Variants in GIGYF2 observed in about 807,000 individuals in gnomAD.
GIGYF2 encodes GRB10-interacting GYF protein 2.
Under a neutral mutation model 208.1 loss-of-function variants are expected in GIGYF2, and 25 were observed. The ratio of observed to expected loss-of-function variants is 0.12; its 90% confidence interval spans 0.09 to 0.17. The LOEUF is 0.17. Ranked by LOEUF, GIGYF2 falls within the 10% of genes least tolerant of loss-of-function variation. The pLI is 1.00. For synonymous variants in GIGYF2, 534 were observed against 543.8 expected (o/e 0.98, Z 0.25); for missense variants, 1,302 against 1,579.4 (o/e 0.82, Z 2.98).
chr2:232,735,368 C>T, intron 3 of GIGYF2, 130 bp downstream of exon 3: 1 of 709,900 alleles, frequency 1.4e-6, no homozygotes, highest in South Asian at 1.6e-5. Context: ...TCGCTGAAAA[C>T]AATGTGTTAG....
chr2:232,725,530 CTA>C (rs1255567731), intron 2 of GIGYF2, among the ~76,000 whole-genome samples: 1 of 152,168 alleles, frequency 6.6e-6, no homozygotes, highest in African/African-American at 2.4e-5. Context: ...GCCAAAGAAT[CTA>C]TGTCAAATTA....
chr2:232,854,978 TTCA>T (rs1398504199), intron 28 of GIGYF2, among the ~76,000 whole-genome samples: 1 of 152,160 alleles, frequency 6.6e-6, no homozygotes, highest in Non-Finnish European at 1.5e-5. Context: ...AGAGGCATTG[TTCA>T]TCATTTTTAT....
intron 2 of GIGYF2, among the ~76,000 whole-genome samples, chr2:232,707,222 C>T (rs534630799): frequency 7.9e-5 from 12 of 152,236 alleles, no homozygotes; most frequent in Middle Eastern, 3.4e-3. Context: ...GTATCTTCTT[C>T]GGGAACAAAG....
At chr2:232,773,151 G>A (rs1286989254) in intron 8 of GIGYF2, among the ~76,000 whole-genome samples, 1 of 152,086 alleles carries the variant, frequency 6.6e-6, no homozygotes, top group Non-Finnish European at 1.5e-5. Flanking sequence ...ACCCTAACAA[G>A]TTGTCATAAT....
intron 2 of GIGYF2, among the ~76,000 whole-genome samples, chr2:232,720,722 A>G (rs1258932481): frequency 2.0e-5 from 3 of 151,952 alleles, no homozygotes; most frequent in Non-Finnish European, 2.9e-5. Context: ...AGCCTCCTGA[A>G]TAGCTGGGAT....
At chr2:232,823,402 G>A (rs1249142584) in intron 21 of GIGYF2, among the ~76,000 whole-genome samples, 3 of 136,086 alleles carry the variant, frequency 2.2e-5, no homozygotes, top group Non-Finnish European at 4.6e-5. Flanking sequence ...GTCTCACACT[G>A]TCACCCAGGC....
At chr2:232,834,052 G>A (rs1015408780) in intron 22 of GIGYF2, among the ~76,000 whole-genome samples, 2 of 151,998 alleles carry the variant, frequency 1.3e-5, no homozygotes, top group Non-Finnish European at 2.9e-5. Flanking sequence ...AAGCTGGGGT[G>A]CCTGCCAGAT....
chr2:232,847,721 T>G, intron 27 of GIGYF2, 150 bp downstream of exon 27: 1 of 1,129,424 alleles, frequency 8.9e-7, no homozygotes, highest in South Asian at 1.4e-5. Flanking sequence ...TATTTTCAAA[T>G]TACTTGTCCA....
chr2:232,723,611 G>T (rs1697043835), intron 2 of GIGYF2, among the ~76,000 whole-genome samples: 1 of 150,880 alleles, frequency 6.6e-6, no homozygotes, highest in Non-Finnish European at 1.5e-5. Context: ...TGTGTTTTTA[G>T]TAGAGACGGG....
At chr2:232,726,628 T>A (rs1279644830) in intron 2 of GIGYF2, among the ~76,000 whole-genome samples, 1 of 152,062 alleles carries the variant, frequency 6.6e-6, no homozygotes, top group Non-Finnish European at 1.5e-5. Context: ...TTTTTTAGTT[T>A]TTAAATAGGT....
intron 5 of GIGYF2, among the ~76,000 whole-genome samples, chr2:232,753,459 G>T (rs974070182): frequency 2.0e-5 from 3 of 151,980 alleles, no homozygotes; most frequent in African/African-American, 7.2e-5. Context: ...GTGTTTTGCC[G>T]TGTTGGCCAG....
At chr2:232,778,820 G>A (rs1359101574) in intron 8 of GIGYF2, among the ~76,000 whole-genome samples, 1 of 152,156 alleles carries the variant, frequency 6.6e-6, no homozygotes, top group Non-Finnish European at 1.5e-5. Context: ...AACAAAAGTT[G>A]TCTAGTTATT....
chr2:232,825,766 T>C (rs548777840), intron 21 of GIGYF2, among the ~76,000 whole-genome samples: 1 of 152,226 alleles, frequency 6.6e-6, no homozygotes, highest in African/African-American at 2.4e-5. Context: ...GCAGGTTTGT[T>C]ACATAGATAT....
At chr2:232,847,238 C>T in intron 26 of GIGYF2, 110 bp from the exon 27 acceptor site, 1 of 1,050,956 alleles carries the variant, frequency 9.5e-7, no homozygotes, top group Non-Finnish European at 1.5e-6. Context: ...AAGTGTCTGT[C>T]ATTAATGTTT....
At chr2:232,791,194 C>A (rs1190438744) in intron 11 of GIGYF2, 24 bp downstream of exon 11, 1 of 1,613,884 alleles carries the variant, frequency 6.2e-7, no homozygotes. Context: ...TTGCCCTTTG[C>A]CTTTTTTTTC....
At chr2:232,817,773 C>A (rs1351859696) in intron 20 of GIGYF2, among the ~76,000 whole-genome samples, 1 of 151,988 alleles carries the variant, frequency 6.6e-6, no homozygotes, top group Non-Finnish European at 1.5e-5. Context: ...TTATCCATTC[C>A]TCTGTTGATG....
chr2:232,727,280 T>G (rs1245540648), intron 2 of GIGYF2, among the ~76,000 whole-genome samples: 4 of 152,206 alleles, frequency 2.6e-5, no homozygotes, highest in Non-Finnish European at 5.9e-5. Flanking sequence ...ATACAGCTTT[T>G]AAAAACTGCA....
rs573438426 is a variant in GIGYF2 at position 232,739,758 on chromosome 2, G to A, written c.41+4520G>A. On this transcript the variant is annotated intron_variant, in intron 3 of 28. Transcript: ENST00000373563. ...TACCACCCAAAGTAGCTTTGCTAAC[G>A]TTTTGGTTTCTATCGTATATGCAAA... 3.3e-5 allele frequency among the ~76,000 whole-genome samples: 5 copies of A among 152,058 alleles called. No individual in the cohort carries two copies. The East Asian group carries it at 7.8e-4, about 24-fold the overall frequency.
At chr2:232,832,490 A>C (rs6751801) in intron 21 of GIGYF2, among the ~76,000 whole-genome samples, 49,120 of 151,976 alleles carry the variant, frequency 0.32, 8,391 homozygotes, top group African/African-American at 0.42. Context: ...AGCATTCTTA[A>C]AAGGTATTGG....
Sources: gnomAD v4.1 joint callset for allele counts (sites outside exome capture counted in the v4.1 genomes callset) on GRCh38, gnomAD v4.1.1 for gene constraint, MANE v1.5 for transcripts, NCBI Gene and HGNC (gene_info 2026-07-23, HGNC 2026-07-21) for gene names.